IFT43: variants seen among roughly 807,000 people sequenced by gnomAD.
IFT43 encodes intraflagellar transport 43.
IFT43 carries 33 observed loss-of-function variants against 32.3 expected under a neutral mutation model. The ratio of observed to expected loss-of-function variants is 1.02; its 90% CI spans 0.77 to 1.37. The LOEUF (loss-of-function observed/expected upper bound fraction) is 1.37. Ranked by LOEUF, IFT43 falls within the 40% of genes most tolerant of loss-of-function variation. The pLI is 0.00. For synonymous variants in IFT43, 93 were observed against 98.2 expected (o/e 0.95, Z 0.31); for missense variants, 274 against 265.9 (o/e 1.03, Z -0.21).
chr14:76,017,645 G>A (rs1448531676), intron 2 of IFT43, among the ~76,000 whole-genome samples: 1 of 152,010 alleles, frequency 6.6e-6, no homozygotes, highest in East Asian at 1.9e-4. Flanking sequence ...GTTCTTTTAA[G>A]TTTGGTAGAA....
rs12882055 is a variant in IFT43, at chr14:76,050,519, G to T, written c.216-8123G>T. ...TTGTTTGTTTTTGAGATGAGGTCTC[G>T]CTGTGTTGCTTAGGCTGGTCTTAAA... On this transcript the variant is annotated intron_variant, in intron 3 of 8. Transcript: ENST00000314067. Among the ~76,000 whole-genome samples, 987 of 152,118 alleles carry T rather than the reference G, an allele frequency of 6.5e-3. 9 individuals are homozygous for T. Among genetic ancestry groups the T allele is most frequent in the South Asian group, 0.02 (98 of 4,800 alleles).
chr14:75,987,985 T>C (rs949836844), intron 1 of IFT43, among the ~76,000 whole-genome samples: 1 of 152,260 alleles, frequency 6.6e-6, no homozygotes, highest in Non-Finnish European at 1.5e-5. Context: ...ATAATGATTT[T>C]CATGCCAAGC....
At position 75,988,941 on chromosome 14, in the gene IFT43, C is replaced by T; in HGVS notation, c.111C>T (p.Leu37=). ...QQESAQAENH[L]NGKNSSLTLT... ...AGTCAGCGCAGGCCGAGAATCACCTCAATGGCAAGAATTCCTCTTTGACTC... is the reference window on the plus strand; with the variant it reads ...AGTCAGCGCAGGCCGAGAATCACCTTAATGGCAAGAATTCCTCTTTGACTC... The change falls in exon 2 of 9, where the codon CTC becomes CTT. Residue 37 remains leucine, a synonymous_variant. Transcript: ENST00000314067. 1.2e-6 allele frequency: 2 copies of T among 1,613,914 alleles called. No homozygotes were observed. Among genetic ancestry groups the T allele is most frequent in the Admixed American group, 1.7e-5 (1 of 60,004 alleles).
intron 5 of IFT43, among the ~76,000 whole-genome samples, chr14:76,067,506 G>T (rs890470046): frequency 6.6e-6 from 1 of 151,846 alleles, no homozygotes; most frequent in Admixed American, 6.6e-5. Flanking sequence ...GAAGGTGGAG[G>T]TTGCAGTGAG....
At chr14:76,019,904 G>T (rs571030918) in intron 2 of IFT43, among the ~76,000 whole-genome samples, 1 of 150,702 alleles carries the variant, frequency 6.6e-6, no homozygotes, top group Admixed American at 6.6e-5. Flanking sequence ...ATTTCTATTT[G>T]GTTCTTTTTT....
chr14:76,034,345 C>T (rs2139990933), intron 3 of IFT43, among the ~76,000 whole-genome samples: 1 of 152,096 alleles, frequency 6.6e-6, no homozygotes, highest in Admixed American at 6.5e-5. Flanking sequence ...CTTCCTTGTC[C>T]CCATCATGAG....
chr14:75,997,179 A>G (rs542411077), intron 2 of IFT43, among the ~76,000 whole-genome samples: 1 of 151,892 alleles, frequency 6.6e-6, no homozygotes, highest in African/African-American at 2.4e-5. Flanking sequence ...TCTGGAGACA[A>G]GAGAGAGAGC....
chr14:76,070,290 C>T (rs574781896), intron 5 of IFT43, among the ~76,000 whole-genome samples: 3 of 152,364 alleles, frequency 2.0e-5, no homozygotes, highest in Middle Eastern at 3.4e-3. Flanking sequence ...TTTGGACTCT[C>T]TCTAGATTTT....
At chr14:76,006,944 A>G (rs1035727232) in intron 2 of IFT43, among the ~76,000 whole-genome samples, 7 of 142,366 alleles carry the variant, frequency 4.9e-5, no homozygotes, top group African/African-American at 7.9e-5. Flanking sequence ...TGGAGCCTCT[A>G]TCTCCTAGGT....
intron 3 of IFT43, among the ~76,000 whole-genome samples, chr14:76,052,073 G>T (rs1399110563): frequency 1.3e-5 from 2 of 152,154 alleles, no homozygotes; most frequent in Admixed American, 1.3e-4. Flanking sequence ...GTTCTGCCTT[G>T]CAGCAGGGAG....
At chr14:76,074,635 T>C (rs536428992) in intron 5 of IFT43, among the ~76,000 whole-genome samples, 86 of 152,352 alleles carry the variant, frequency 5.6e-4, no homozygotes, top group Middle Eastern at 6.8e-3. Context: ...TAACCTTCAG[T>C]GGACCTGGGT....
chr14:76,032,077 G>A (rs868395086), intron 3 of IFT43, among the ~76,000 whole-genome samples: 2 of 151,706 alleles, frequency 1.3e-5, no homozygotes, highest in Non-Finnish European at 1.5e-5. Context: ...TCCCCTAATC[G>A]TGCCTCCAAA....
intron 3 of IFT43, among the ~76,000 whole-genome samples, chr14:76,026,368 G>C (rs968651446): frequency 6.6e-6 from 1 of 152,068 alleles, no homozygotes; most frequent in Admixed American, 6.5e-5. Flanking sequence ...AGACCAGCCT[G>C]ACCGACATGG....
At chr14:76,059,055 A>C in intron 4 of IFT43, 1 of 1,424,632 alleles carries the variant, frequency 7.0e-7, no homozygotes, top group Non-Finnish European at 9.1e-7. Flanking sequence ...CTGTGAAGGT[A>C]GGGCCACCCA....
chr14:76,076,781 G>A, intron 5 of IFT43: 1 of 1,446,604 alleles, frequency 6.9e-7, no homozygotes, highest in East Asian at 2.3e-5. Context: ...CGCATGTGAT[G>A]ATATTATCCG....
At chr14:76,016,329 T>C (rs191164465) in intron 2 of IFT43, among the ~76,000 whole-genome samples, 6 of 152,212 alleles carry the variant, frequency 3.9e-5, no homozygotes, top group African/African-American at 1.4e-4. Flanking sequence ...TTCCCTAATA[T>C]GTTGTAGGTG....
At chr14:76,035,871 G>A (rs2036588938) in intron 3 of IFT43, among the ~76,000 whole-genome samples, 1 of 152,222 alleles carries the variant, frequency 6.6e-6, no homozygotes, top group African/African-American at 2.4e-5. Flanking sequence ...GTGGCCATGA[G>A]AAGTCTCATC....
At chr14:75,995,324 G>A (rs1019664807) in intron 2 of IFT43, among the ~76,000 whole-genome samples, 1 of 152,126 alleles carries the variant, frequency 6.6e-6, no homozygotes, top group Admixed American at 6.6e-5. Context: ...AGAGACTTAG[G>A]GTCATTCCCT....
intron 2 of IFT43, among the ~76,000 whole-genome samples, chr14:75,998,683 A>G (rs919172729): frequency 4.6e-5 from 7 of 152,126 alleles, no homozygotes; most frequent in African/African-American, 1.2e-4. Context: ...AGCAGGTCCT[A>G]TTGGATTTAG....
Sources: allele counts gnomAD v4.1 joint callset (sites outside exome capture counted in the v4.1 genomes callset), GRCh38; gene constraint gnomAD v4.1.1; transcripts MANE v1.5; gene names NCBI Gene and HGNC (gene_info 2026-07-23, HGNC 2026-07-21).